DPP6: variants seen among roughly 807,000 people sequenced by gnomAD.
DPP6 encodes the protein A-type potassium channel modulatory protein DPP6.
Under a neutral mutation model 122.6 loss-of-function variants are expected in DPP6, and 69 were observed. The ratio of observed to expected loss-of-function variants is 0.56; its 90% confidence interval spans 0.46 to 0.69. The LOEUF is 0.69. Among genes scored for constraint, DPP6 ranks in the 30% least tolerant of loss-of-function variants. The pLI, the probability that DPP6 is intolerant of heterozygous loss-of-function variation, is 0.00. For missense variants in DPP6, 928 were observed against 1,116.9 expected, an observed-to-expected ratio of 0.83 and a Z score of 2.41; for synonymous variants, 418 against 433.1, an observed-to-expected ratio of 0.97 and a Z score of 0.43.
chr7:153,842,308 ATTTC>A, the DPP6 span, among the ~76,000 whole-genome samples: 1 of 152,246 alleles, frequency 6.6e-6, no homozygotes, highest in Non-Finnish European at 1.5e-5. Context: ...GTTTAGTTGT[ATTTC>A]TTCTTTGTAA....
At chr7:154,660,637 C>G (rs34803355) in intron 6 of DPP6, among the ~76,000 whole-genome samples, 2,400 of 89,112 alleles carry the variant, frequency 0.027, 90 homozygotes, top group African/African-American at 0.052. Flanking sequence ...TGTTCATATA[C>G]TCATGGTGAA....
At chr7:154,689,336 G>A (rs1839809103) in intron 7 of DPP6, among the ~76,000 whole-genome samples, 1 of 152,166 alleles carries the variant, frequency 6.6e-6, no homozygotes. Flanking sequence ...TTGGTTGGTT[G>A]TTGTTGTTGG....
rs368039425 is a variant in DPP6 at position 154,831,539 on chromosome 7, T to G, written c.1667-22241T>G. On this transcript the variant is annotated intron_variant, in intron 16 of 25. Coordinates refer to ENST00000377770, the MANE Select transcript of DPP6 (RefSeq NM_130797.4). ...GTGCTAATTTCTACTGCAATTTATTTTCTCATCCCAGCAAGTAGCAATTTC... is the reference window on the plus strand; with the variant it reads ...GTGCTAATTTCTACTGCAATTTATTGTCTCATCCCAGCAAGTAGCAATTTC... Among the ~76,000 whole-genome samples, 7 of 152,246 alleles carry G rather than the reference T, an allele frequency of 4.6e-5. No individual in the cohort carries two copies. The East Asian group carries it at 5.8e-4, about 13-fold the overall frequency.
chr7:154,230,266 T>A (rs1012427917), intron 1 of DPP6, among the ~76,000 whole-genome samples: 1 of 152,128 alleles, frequency 6.6e-6, no homozygotes, highest in Non-Finnish European at 1.5e-5. Context: ...CCACTCTTAA[T>A]AGGAAGTAGG....
intron 1 of DPP6, among the ~76,000 whole-genome samples, chr7:154,394,206 A>G (rs894475199): frequency 6.6e-6 from 1 of 152,256 alleles, no homozygotes; most frequent in East Asian, 1.9e-4. Context: ...ACTCTCACCA[A>G]CAGTGCACAA....
intron 1 of DPP6, among the ~76,000 whole-genome samples, chr7:153,890,463 T>G (rs1283170958): frequency 6.6e-6 from 1 of 152,188 alleles, no homozygotes; most frequent in Admixed American, 6.5e-5. Context: ...ATGGTGACAA[T>G]AGCCTCCCGG....
chr7:154,513,804 G>C (rs1479982263), intron 3 of DPP6, among the ~76,000 whole-genome samples: 1 of 152,200 alleles, frequency 6.6e-6, no homozygotes, highest in East Asian at 1.9e-4. Context: ...TCCAACCCTG[G>C]GCACGTGCCA....
chr7:154,065,347 T>A (rs2626806), intron 1 of DPP6, among the ~76,000 whole-genome samples: 2 of 136,042 alleles, frequency 1.5e-5, no homozygotes, highest in African/African-American at 5.7e-5. Context: ...CATCACTCTT[T>A]GAGGGCCCTG....
At position 154,729,844 on chromosome 7, in the gene DPP6, A is replaced by C. The variant is rs527250019; in HGVS notation, c.883+1957A>C. ...ATCAACCCTGAGATTTTATTGTCAC[A>C]TGAGTCCTTGGCTACACCTGAAAAA... On this transcript the variant is annotated intron_variant, in intron 8 of 25. Transcript: ENST00000377770. 3.4e-4 allele frequency among the ~76,000 whole-genome samples: 52 copies of C among 152,220 alleles called. 1 individual carries two copies. The highest frequency in any genetic ancestry group is 5.3e-4 in the Non-Finnish European group (36 of 68,038).
intron 2 of DPP6, among the ~76,000 whole-genome samples, chr7:154,459,044 A>G (rs1393865754): frequency 6.6e-6 from 1 of 152,224 alleles, no homozygotes; most frequent in Non-Finnish European, 1.5e-5. Context: ...TATTGACTTA[A>G]TTCTTCTTAT....
intron 5 of DPP6, among the ~76,000 whole-genome samples, chr7:154,620,887 A>G (rs7786315): frequency 0.026 from 3,939 of 152,340 alleles, 171 homozygotes; most frequent in African/African-American, 0.089. Context: ...TTCACCACAT[A>G]CAATCAGAGG....
At chr7:154,639,315 A>T (rs1484288909) in intron 6 of DPP6, among the ~76,000 whole-genome samples, 1 of 152,206 alleles carries the variant, frequency 6.6e-6, no homozygotes, top group African/African-American at 2.4e-5. Context: ...ATTCATACAA[A>T]TTTTTCATTA....
chr7:154,337,913 T>A (rs1308066958), intron 1 of DPP6, among the ~76,000 whole-genome samples: 1 of 152,214 alleles, frequency 6.6e-6, no homozygotes, highest in Admixed American at 6.5e-5. Context: ...AGGCTGTACC[T>A]TCTTGCGCGT....
rs896555191 is a variant in DPP6 at position 154,789,591 on chromosome 7, C to CA, written c.1137-4487dup. Among the ~76,000 whole-genome samples, 40 of 152,206 alleles carry CA rather than the reference C, an allele frequency of 2.6e-4. 1 individual carries two copies. Among genetic ancestry groups the CA allele is most frequent in the Admixed American group, 2.6e-3 (39 of 15,280 alleles). On this transcript the variant is annotated intron_variant, in intron 10 of 25. Coordinates refer to ENST00000377770, the MANE Select transcript of DPP6 (RefSeq NM_130797.4). ...CTGTGTGTCTCTTTAGACATGATAA[C>CA]ACAAAGTTAGTAAAGGTCTCCCTCT...
intron 1 of DPP6, chr7:154,059,668 T>C (rs1447309075): frequency 1.3e-5 from 2 of 149,308 alleles, no homozygotes; most frequent in Non-Finnish European, 3.0e-5. Flanking sequence ...AACAGCAAGT[T>C]TTTCATGAGT....
intron 6 of DPP6, among the ~76,000 whole-genome samples, chr7:154,638,445 G>A (rs1413305276): frequency 6.6e-6 from 1 of 152,194 alleles, no homozygotes; most frequent in Non-Finnish European, 1.5e-5. Context: ...TGTTGTTCTT[G>A]TTTTATTGTC....
At chr7:154,668,050 T>C (rs1352181362) in intron 6 of DPP6, among the ~76,000 whole-genome samples, 1 of 150,702 alleles carries the variant, frequency 6.6e-6, no homozygotes, top group South Asian at 2.1e-4. Context: ...CAGTCCACCA[T>C]GTCCTTAGCC....
At chr7:153,919,306 C>T (rs1800523690) in intron 1 of DPP6, among the ~76,000 whole-genome samples, 1 of 152,162 alleles carries the variant, frequency 6.6e-6, no homozygotes, top group African/African-American at 2.4e-5. Flanking sequence ...CTAGCAAACT[C>T]TCATGCAGCC....
chr7:154,805,814 G>A (rs1243485211), intron 15 of DPP6, among the ~76,000 whole-genome samples: 1 of 152,256 alleles, frequency 6.6e-6, no homozygotes, highest in East Asian at 1.9e-4. Context: ...CCACAGAGGT[G>A]AGGAGGGGGT....
Sources: gnomAD v4.1 joint callset for allele counts (sites outside exome capture counted in the v4.1 genomes callset) on GRCh38, gnomAD v4.1.1 for gene constraint, MANE v1.5 for transcripts, NCBI Gene and HGNC (gene_info 2026-07-23, HGNC 2026-07-21) for gene names.